DGKB: variants seen among roughly 807,000 people sequenced by gnomAD.
The protein encoded by DGKB is 90 kDa diacylglycerol kinase.
Under a neutral mutation model 114.3 loss-of-function variants are expected in DGKB, and 67 were observed. That is an observed-to-expected ratio of 0.59 (90% CI 0.48 to 0.72). The LOEUF is 0.72. DGKB is among the 30% of genes least tolerant of loss of function. The pLI, the probability that DGKB is intolerant of heterozygous loss-of-function variation, is 0.00. For synonymous variants in DGKB, 398 were observed against 323.1 expected (o/e 1.23, Z -2.49); for missense variants, 907 against 975.2 (o/e 0.93, Z 0.93).
chr7:14,504,670 A>G (rs937468683), intron 20 of DGKB, among the ~76,000 whole-genome samples: 1 of 152,340 alleles, frequency 6.6e-6, no homozygotes, highest in African/African-American at 2.4e-5. Context: ...TTGTCAGTAT[A>G]TGAAAACACA....
chr7:14,926,888 G>A lies in DGKB; in HGVS notation c.-188+47808C>T, dbSNP rs140248566. ...AATCCTTTGATGCTTTGCTGAATGT[G>A]GTTCCCTACAGAAGATTCGTATTTG... On this transcript the variant is annotated intron_variant, in intron 1 of 4. Coordinates refer to the DGKB transcript ENST00000437998. 3.3e-3 allele frequency among the ~76,000 whole-genome samples: 501 copies of A among 151,984 alleles called. 6 individuals are homozygous for A. Among genetic ancestry groups the A allele is most frequent in the African/African-American group, 0.012 (478 of 41,502 alleles).
intron 21 of DGKB, among the ~76,000 whole-genome samples, chr7:14,366,802 A>G (rs1388839443): frequency 6.6e-6 from 1 of 152,136 alleles, no homozygotes; most frequent in Admixed American, 6.6e-5. Flanking sequence ...TTGAGCTTCA[A>G]TTTTCTTCAA....
chr7:14,311,921 A>C (rs760926854), intron 23 of DGKB, among the ~76,000 whole-genome samples: 2 of 152,188 alleles, frequency 1.3e-5, no homozygotes, highest in Admixed American at 6.5e-5. Flanking sequence ...AGCAACTATA[A>C]AAATATGGAT....
chr7:14,836,761 G>C (rs952345601), intron 2 of DGKB, among the ~76,000 whole-genome samples: 1 of 152,244 alleles, frequency 6.6e-6, no homozygotes, highest in Non-Finnish European at 1.5e-5. Context: ...ACAGCATGCT[G>C]TAGGCAGTCA....
rs556793693 is a variant in DGKB, at chr7:14,360,670, G to A, written c.1836-15279C>T. ...TGGGCATCTAACAAATATCTGAAGT[G>A]GACTCAGATTATTAAACTAGATAAC... On this transcript the variant is annotated intron_variant, in intron 21 of 25. Transcript: ENST00000402815. Among the ~76,000 whole-genome samples, 40 of 151,858 alleles carry A rather than the reference G, an allele frequency of 2.6e-4. 1 individual carries two copies. The highest frequency in any genetic ancestry group is 2.5e-3 in the South Asian group (12 of 4,818).
chr7:14,623,759 A>G (rs1174180009), intron 14 of DGKB, among the ~76,000 whole-genome samples: 3 of 152,178 alleles, frequency 2.0e-5, no homozygotes, highest in African/African-American at 4.8e-5. Context: ...TTTTTAAAAG[A>G]AAGTTCCTTC....
At chr7:14,334,310 T>C (rs1007820896) in intron 23 of DGKB, among the ~76,000 whole-genome samples, 2 of 150,978 alleles carry the variant, frequency 1.3e-5, no homozygotes, top group African/African-American at 4.9e-5. Flanking sequence ...TGCAGATCTA[T>C]AGACTTTCCA....
At chr7:14,224,612 T>C (rs937737343) in intron 23 of DGKB, among the ~76,000 whole-genome samples, 1 of 151,952 alleles carries the variant, frequency 6.6e-6, no homozygotes, top group African/African-American at 2.4e-5. Context: ...GCATTTTAGC[T>C]ATTCTGGGTA....
rs573867843 is a variant in DGKB at position 14,208,462 on chromosome 7, C to T, written c.2123-30311G>A. Among the ~76,000 whole-genome samples the T allele has an allele frequency of 2.1e-4, 32 of 152,122 alleles. No homozygotes were observed. In the East Asian group the frequency reaches 5.8e-3, roughly 28 times the overall value. On this transcript the variant is annotated intron_variant, in intron 23 of 25. Transcript: ENST00000402815. ...GCAGGAAGGATTAATGGGGGTTCAA[C>T]TTCTACTTCAAACAGTTTCCCTCCC...
intron 21 of DGKB, among the ~76,000 whole-genome samples, chr7:14,356,239 A>C (rs1234524715): frequency 4.7e-5 from 7 of 148,640 alleles, no homozygotes; most frequent in Non-Finnish European, 7.4e-5. Flanking sequence ...TCCTGGATTC[A>C]TTTATTTTTT....
intron 5 of DGKB, among the ~76,000 whole-genome samples, chr7:14,723,206 TC>T (rs1458723294): frequency 2.6e-5 from 4 of 152,106 alleles, no homozygotes; most frequent in Admixed American, 1.3e-4. Flanking sequence ...AAGCCTGACT[TC>T]TTGACTACAG....
In DGKB at chr7:14,469,190, G is replaced by A. The variant is rs112461747; in HGVS notation, c.1835+8971C>T. 1.2e-3 allele frequency among the ~76,000 whole-genome samples: 175 copies of A among 152,012 alleles called. 1 individual carries two copies. Among genetic ancestry groups the A allele is most frequent in the African/African-American group, 3.7e-3 (153 of 41,498 alleles). ...GTTTATATTCTTCTGTGGAATTTACGATTATCTAAGCTCTCTCTGATCCCA... is the reference window on the plus strand; with the variant it reads ...GTTTATATTCTTCTGTGGAATTTACAATTATCTAAGCTCTCTCTGATCCCA... On this transcript the variant is annotated intron_variant, in intron 21 of 25. Transcript: ENST00000402815.
intron 21 of DGKB, among the ~76,000 whole-genome samples, chr7:14,393,280 C>T (rs185968926): frequency 4.9e-4 from 74 of 151,944 alleles, no homozygotes; most frequent in African/African-American, 1.8e-3. Context: ...TGAGCCACCG[C>T]GCCCGGTCAA....
intron 1 of DGKB, among the ~76,000 whole-genome samples, chr7:14,893,351 C>T (rs899299591): frequency 6.6e-5 from 10 of 151,390 alleles, no homozygotes; most frequent in Admixed American, 6.6e-5. Flanking sequence ...CCTTAAAAGA[C>T]GTTTTTTCCT....
chr7:14,636,386 GAATT>G (rs1448132141), intron 13 of DGKB, among the ~76,000 whole-genome samples: 9 of 151,826 alleles, frequency 5.9e-5, no homozygotes, highest in African/African-American at 1.7e-4. Context: ...CAATCAGTGT[GAATT>G]AATTAAAATG....
intron 1 of DGKB, among the ~76,000 whole-genome samples, chr7:14,921,484 T>C (rs1196546484): frequency 6.6e-6 from 1 of 151,904 alleles, no homozygotes; most frequent in African/African-American, 2.4e-5. Context: ...ATGTGAAAAA[T>C]GTAAGTTGTT....
At chr7:14,852,646 C>T (rs868266268) in intron 1 of DGKB, among the ~76,000 whole-genome samples, 2 of 151,770 alleles carry the variant, frequency 1.3e-5, no homozygotes, top group African/African-American at 2.4e-5. Context: ...TGAGCCCAAA[C>T]GAAGAGGAGA....
At chr7:14,551,614 T>C (rs535326718) in intron 20 of DGKB, among the ~76,000 whole-genome samples, 94 of 152,244 alleles carry the variant, frequency 6.2e-4, no homozygotes, top group African/African-American at 2.2e-3. Flanking sequence ...TGAATATCTG[T>C]TGATGTCAGC....
At chr7:14,429,887 ACTGGACTCCAGC>A (rs1003597806) in intron 21 of DGKB, among the ~76,000 whole-genome samples, 5 of 151,802 alleles carry the variant, frequency 3.3e-5, no homozygotes, top group African/African-American at 1.2e-4. Context: ...AGATCAGGCC[ACTGGACTCCAGC>A]CTGGGCTACA....
Sources: allele counts gnomAD v4.1 joint callset (sites outside exome capture counted in the v4.1 genomes callset), GRCh38; gene constraint gnomAD v4.1.1; transcripts MANE v1.5; gene names NCBI Gene and HGNC (gene_info 2026-07-23, HGNC 2026-07-21).